The following SGCD variants were observed in gnomAD, a reference collection of about 807,000 sequenced individuals.
SGCD encodes delta-sarcoglycan.
In SGCD, 18 loss-of-function variants were observed where a neutral mutation model predicts 36.6. The ratio of observed to expected loss-of-function variants is 0.49; its 90% CI spans 0.34 to 0.73. SGCD has a LOEUF of 0.73. Among genes scored for constraint, SGCD ranks in the 30% least tolerant of loss-of-function variants. The pLI is 0.01. For missense variants in SGCD, 387 were observed against 346.7 expected (o/e 1.12, Z -0.92); for synonymous variants, 133 against 130.6 (o/e 1.02, Z -0.12).
At chr5:156,171,675 A>T (rs1763350080) in intron 3 of SGCD, among the ~76,000 whole-genome samples, 1 of 152,246 alleles carries the variant, frequency 6.6e-6, no homozygotes, top group African/African-American at 2.4e-5. Flanking sequence ...ATACAGTAGC[A>T]CACTGTATTA....
chr5:156,348,546 G>A (rs1009917539), intron 3 of SGCD, among the ~76,000 whole-genome samples: 1 of 152,060 alleles, frequency 6.6e-6, no homozygotes, highest in African/African-American at 2.4e-5. Context: ...ACTTAAGCAA[G>A]GAGGTAAAAG....
intron 5 of SGCD, among the ~76,000 whole-genome samples, chr5:156,594,191 TTAA>T (rs1760834469): frequency 6.6e-6 from 1 of 152,184 alleles, no homozygotes; most frequent in African/African-American, 2.4e-5. Flanking sequence ...GTTTTCTGGT[TTAA>T]TAATAAAATT....
At chr5:155,909,621 T>C (rs1756590403) in intron 1 of SGCD, among the ~76,000 whole-genome samples, 1 of 152,122 alleles carries the variant, frequency 6.6e-6, no homozygotes, top group Admixed American at 6.6e-5. Flanking sequence ...GAATAAATAA[T>C]AGGAATTGCT....
rs142976554 is a variant in SGCD, at chr5:156,581,278, C to G, written c.295-7953C>G. Among the ~76,000 whole-genome samples the G allele has an allele frequency of 1.8e-3, 279 of 152,282 alleles. 2 individuals carry two copies. The highest frequency in any genetic ancestry group is 6.2e-3 in the African/African-American group (257 of 41,576). On this transcript the variant is annotated intron_variant, in intron 4 of 8. Coordinates refer to ENST00000337851, the MANE Select transcript of SGCD (RefSeq NM_000337.6). ...GAACAGCAAATATTGCTGCCTGATC[C>G]TTCTTCTGGAAGCTTCATCCCAGAG... is the stretch of plus-strand genomic sequence containing the variant.
chr5:156,391,530 A>C (rs1771570858), intron 3 of SGCD, among the ~76,000 whole-genome samples: 1 of 152,240 alleles, frequency 6.6e-6, no homozygotes, highest in African/African-American at 2.4e-5. Context: ...CAGACTTTTT[A>C]CTTGTCATTA....
intron 4 of SGCD, among the ~76,000 whole-genome samples, chr5:156,553,141 C>T (rs58558564): frequency 0.041 from 6,167 of 152,184 alleles, 279 homozygotes; most frequent in African/African-American, 0.11. Context: ...ACAACCAGCC[C>T]TTGTGGAAAA....
chr5:156,290,884 T>C (rs1468748045), intron 3 of SGCD, among the ~76,000 whole-genome samples: 1 of 152,160 alleles, frequency 6.6e-6, no homozygotes, highest in East Asian at 1.9e-4. Context: ...AACTTGCCTG[T>C]AAAGGGTCAA....
chr5:156,705,135 T>C lies in SGCD; in HGVS notation c.576-52446T>C, dbSNP rs544535728. 1.4e-4 allele frequency among the ~76,000 whole-genome samples: 21 copies of C among 152,320 alleles called. No individual in the cohort carries two copies. In the South Asian group the frequency reaches 4.3e-3, roughly 32 times the overall value. On this transcript the variant is annotated intron_variant, in intron 7 of 8. Coordinates refer to ENST00000337851, the MANE Select transcript of SGCD (RefSeq NM_000337.6). ...AACTTCTCTATATAATATACTGTTA[T>C]AGGTATCCTTAATATAAAGTAGGTA... is the stretch of plus-strand genomic sequence containing the variant.
chr5:156,624,797 A>G (rs77627663), intron 6 of SGCD, among the ~76,000 whole-genome samples: 1,832 of 152,258 alleles, frequency 0.012, 35 homozygotes, highest in East Asian at 0.048. Flanking sequence ...ATTCCTAGAC[A>G]GAAAAATGAT....
chr5:155,997,385 G>T (rs559160030), intron 1 of SGCD, among the ~76,000 whole-genome samples: 1 of 152,318 alleles, frequency 6.6e-6, no homozygotes, highest in Non-Finnish European at 1.5e-5. Context: ...AGGATATTTT[G>T]CATCTGAGTG....
At position 156,647,455 on chromosome 5, in the gene SGCD, T is replaced by A; in HGVS notation, c.503-9T>A. On this transcript the variant is annotated splice_polypyrimidine_tract_variant and intron_variant, in intron 6 of 8. Coordinates refer to ENST00000337851, the MANE Select transcript of SGCD (RefSeq NM_000337.6). ...CCAATCTCTGTTTGCTTTTCTGTTTTGTTTACAGGAGCGGAGGGCACAGTG... is the reference window on the plus strand; with the variant it reads ...CCAATCTCTGTTTGCTTTTCTGTTTAGTTTACAGGAGCGGAGGGCACAGTG... The A allele has an allele frequency of 6.4e-7, 1 of 1,570,810 alleles. No individual in the cohort carries two copies. Among genetic ancestry groups the A allele is most frequent in the Non-Finnish European group, 8.7e-7 (1 of 1,154,548 alleles).
intron 1 of SGCD, among the ~76,000 whole-genome samples, chr5:155,909,750 C>T (rs1377803299): frequency 6.6e-6 from 1 of 152,098 alleles, no homozygotes; most frequent in African/African-American, 2.4e-5. Flanking sequence ...TAGACTTTAG[C>T]TGAATATATT....
intron 2 of SGCD, among the ~76,000 whole-genome samples, chr5:156,340,435 G>C (rs180671971): frequency 2.4e-4 from 36 of 152,246 alleles, no homozygotes; most frequent in Admixed American, 2.4e-3. Context: ...AGTATTCCTA[G>C]AAGACATTCC....
intron 4 of SGCD, among the ~76,000 whole-genome samples, chr5:156,514,673 T>C (rs947516184): frequency 6.6e-6 from 1 of 152,192 alleles, no homozygotes; most frequent in Non-Finnish European, 1.5e-5. Context: ...ATTTTAGAAG[T>C]GGCTTATACC....
intron 3 of SGCD, among the ~76,000 whole-genome samples, chr5:156,174,408 G>C (rs1763416396): frequency 6.6e-6 from 1 of 152,170 alleles, no homozygotes; most frequent in African/African-American, 2.4e-5. Context: ...CATGTGGCTG[G>C]AGCATGGTGA....
the SGCD span, among the ~76,000 whole-genome samples, chr5:155,755,532 G>A: frequency 6.6e-6 from 1 of 152,194 alleles, no homozygotes; most frequent in African/African-American, 2.4e-5. Context: ...CATAGCTGAA[G>A]GTTTTCTCTC....
At chr5:155,983,136 A>C (rs1198818941) in intron 1 of SGCD, among the ~76,000 whole-genome samples, 1 of 152,234 alleles carries the variant, frequency 6.6e-6, no homozygotes, top group African/African-American at 2.4e-5. Context: ...TAGATCAATA[A>C]TAGCAATGAT....
chr5:155,829,749 T>C, the SGCD span, among the ~76,000 whole-genome samples: 1 of 152,190 alleles, frequency 6.6e-6, no homozygotes, highest in Non-Finnish European at 1.5e-5. Flanking sequence ...TAAACATTCT[T>C]GGTTTGGAAA....
At chr5:156,537,682 T>C (rs1758178040) in intron 4 of SGCD, among the ~76,000 whole-genome samples, 1 of 152,060 alleles carries the variant, frequency 6.6e-6, no homozygotes, top group Admixed American at 6.6e-5. Flanking sequence ...ACCACATTTT[T>C]AACATCCTCC....
Sources: allele counts gnomAD v4.1 joint callset (sites outside exome capture counted in the v4.1 genomes callset), GRCh38; gene constraint gnomAD v4.1.1; transcripts MANE v1.5; gene names NCBI Gene and HGNC (gene_info 2026-07-23, HGNC 2026-07-21).